The following SGCZ variants were observed in gnomAD, a reference collection of about 807,000 sequenced individuals.
SGCZ encodes sarcoglycan zeta, also known as zeta-sarcoglycan.
Under a neutral mutation model 41.3 loss-of-function variants are expected in SGCZ, and 40 were observed. The observed-to-expected ratio is 0.97, with a 90% CI of 0.75 to 1.26. The LOEUF (loss-of-function observed/expected upper bound fraction) is 1.26. Ranked by LOEUF, SGCZ falls within the 50% of genes most tolerant of loss-of-function variation. The pLI is 0.00. For synonymous variants in SGCZ, 206 were observed against 137.5 expected (o/e 1.50, Z -3.49); for missense variants, 552 against 369.8 (o/e 1.49, Z -4.04).
At chr8:14,996,370 G>T (rs983784354) in intron 1 of SGCZ, among the ~76,000 whole-genome samples, 7 of 152,178 alleles carry the variant, frequency 4.6e-5, no homozygotes, top group Non-Finnish European at 8.8e-5. Flanking sequence ...GACAATGAAA[G>T]TTGTTGTAGC....
At chr8:14,998,664 T>C (rs1563423324) in intron 1 of SGCZ, among the ~76,000 whole-genome samples, 1 of 152,238 alleles carries the variant, frequency 6.6e-6, no homozygotes, top group East Asian at 1.9e-4. Flanking sequence ...TAGGTATAAA[T>C]GTCTCCTTGA....
At chr8:14,659,035 C>G (rs1018591082) in intron 1 of SGCZ, among the ~76,000 whole-genome samples, 1 of 151,990 alleles carries the variant, frequency 6.6e-6, no homozygotes, top group Non-Finnish European at 1.5e-5. Flanking sequence ...AAACTATGAG[C>G]TCAATCTTTA....
chr8:14,339,782 A>T (rs533645753), intron 2 of SGCZ, among the ~76,000 whole-genome samples: 1 of 152,330 alleles, frequency 6.6e-6, no homozygotes, highest in East Asian at 1.9e-4. Flanking sequence ...TAAGAAAGTG[A>T]GAACTAAAAT....
At chr8:15,049,050 T>C (rs1306800572) in intron 1 of SGCZ, among the ~76,000 whole-genome samples, 1 of 152,120 alleles carries the variant, frequency 6.6e-6, no homozygotes, top group African/African-American at 2.4e-5. Flanking sequence ...TTTACTCAAT[T>C]AAGAGATACC....
intron 1 of SGCZ, among the ~76,000 whole-genome samples, chr8:14,570,876 G>A (rs1804529873): frequency 6.6e-6 from 1 of 152,008 alleles, no homozygotes. Context: ...TAATATATCT[G>A]AAATGACTAG....
At chr8:14,390,817 T>A (rs1384964402) in intron 2 of SGCZ, among the ~76,000 whole-genome samples, 1 of 152,026 alleles carries the variant, frequency 6.6e-6, no homozygotes, top group African/African-American at 2.4e-5. Flanking sequence ...AGCGTGTATA[T>A]TTTTCTAGAA....
chr8:14,562,052 A>G (rs1028130751), intron 1 of SGCZ, among the ~76,000 whole-genome samples: 15 of 152,134 alleles, frequency 9.9e-5, no homozygotes, highest in Admixed American at 8.5e-4. Context: ...CGAGCCCTAG[A>G]GAATTCTGGT....
At chr8:14,134,492 G>A (rs992701595) in intron 5 of SGCZ, among the ~76,000 whole-genome samples, 1 of 152,130 alleles carries the variant, frequency 6.6e-6, no homozygotes, top group Non-Finnish European at 1.5e-5. Context: ...AATTAACTGT[G>A]CCTGTAATTT....
At chr8:15,209,586 T>A (rs562098114) in intron 1 of SGCZ, among the ~76,000 whole-genome samples, 1 of 152,080 alleles carries the variant, frequency 6.6e-6, no homozygotes, top group Admixed American at 6.5e-5. Flanking sequence ...TTTTGTGGGA[T>A]AGACATTTTG....
intron 3 of SGCZ, among the ~76,000 whole-genome samples, chr8:14,296,043 T>G (rs553922940): frequency 6.6e-6 from 1 of 152,196 alleles, no homozygotes; most frequent in Non-Finnish European, 1.5e-5. Context: ...GGAGAGACAC[T>G]CCACTGAATA....
intron 3 of SGCZ, among the ~76,000 whole-genome samples, chr8:14,240,906 G>GA (rs1488059997): frequency 1.3e-5 from 2 of 152,054 alleles, no homozygotes; most frequent in Non-Finnish European, 2.9e-5. Flanking sequence ...GTATAATGAT[G>GA]AAAAAATCTT....
At chr8:14,504,366 C>G (rs1323394763) in intron 2 of SGCZ, among the ~76,000 whole-genome samples, 1 of 152,112 alleles carries the variant, frequency 6.6e-6, no homozygotes, top group Non-Finnish European at 1.5e-5. Context: ...GTTATCTGCT[C>G]CAAATCGTGA....
chr8:15,205,926 T>C (rs1432223868), intron 1 of SGCZ, among the ~76,000 whole-genome samples: 1 of 152,150 alleles, frequency 6.6e-6, no homozygotes, highest in Non-Finnish European at 1.5e-5. Context: ...TGAAATTGTG[T>C]CTTTTGTGGG....
chr8:14,260,973 G>C (rs1416898173), intron 3 of SGCZ, among the ~76,000 whole-genome samples: 3 of 152,144 alleles, frequency 2.0e-5, no homozygotes, highest in Non-Finnish European at 2.9e-5. Flanking sequence ...GGGAGGGATA[G>C]CATTGGGAGA....
intron 1 of SGCZ, among the ~76,000 whole-genome samples, chr8:14,763,304 T>G (rs895653421): frequency 2.6e-5 from 4 of 152,096 alleles, no homozygotes; most frequent in African/African-American, 9.7e-5. Context: ...AGTTCAGTGT[T>G]TTTTCATTTT....
intron 1 of SGCZ, among the ~76,000 whole-genome samples, chr8:14,762,966 C>T (rs1172111982): frequency 6.6e-6 from 1 of 152,178 alleles, no homozygotes; most frequent in African/African-American, 2.4e-5. Flanking sequence ...TCAGTCTGAA[C>T]TTCAGCACCC....
chr8:14,783,476 G>T (rs1434857931), intron 1 of SGCZ, among the ~76,000 whole-genome samples: 1 of 150,972 alleles, frequency 6.6e-6, no homozygotes, highest in Non-Finnish European at 1.5e-5. Context: ...AAAAGTAGTA[G>T]AAGTATAGCA....
chr8:14,672,387 A>G (rs1288189748), intron 1 of SGCZ, among the ~76,000 whole-genome samples: 4 of 152,222 alleles, frequency 2.6e-5, no homozygotes, highest in Admixed American at 1.3e-4. Context: ...TATTCTTGCA[A>G]GAAACATGAT....
At chr8:14,221,141 C>T (rs1806179371) in intron 4 of SGCZ, among the ~76,000 whole-genome samples, 1 of 152,142 alleles carries the variant, frequency 6.6e-6, no homozygotes, top group Admixed American at 6.6e-5. Flanking sequence ...TCAAAATGTA[C>T]ATAAAATCTA....
Sources: allele counts gnomAD v4.1 joint callset (sites outside exome capture counted in the v4.1 genomes callset), GRCh38; gene constraint gnomAD v4.1.1; transcripts MANE v1.5; gene names NCBI Gene and HGNC (gene_info 2026-07-23, HGNC 2026-07-21).